Variants in VIPR2 observed in about 807,000 individuals in gnomAD.
VIPR2 encodes the protein vasoactive intestinal peptide receptor 2.
A neutral mutation model predicts 58.0 loss-of-function variants in VIPR2; 48 were observed. The observed-to-expected ratio is 0.83, with a 90% CI of 0.66 to 1.05. The LOEUF (loss-of-function observed/expected upper bound fraction) is 1.05, where lower values mean the gene tolerates loss of function less well. VIPR2 is among the 50% of genes least tolerant of loss of function. The pLI is 0.00. For missense variants in VIPR2, 534 were observed against 558.0 expected (o/e 0.96, Z 0.43); for synonymous variants, 243 against 235.2 (o/e 1.03, Z -0.30).
At chr7:159,101,228 A>C (rs57274767) in intron 4 of VIPR2, among the ~76,000 whole-genome samples, 1 of 139,234 alleles carries the variant, frequency 7.2e-6, no homozygotes, top group Admixed American at 7.2e-5. Context: ...CGTTCCCCCG[A>C]CTGTTCCTGT....
chr7:159,074,754 G>A (rs1396707257), intron 4 of VIPR2, among the ~76,000 whole-genome samples: 1 of 152,220 alleles, frequency 6.6e-6, no homozygotes, highest in East Asian at 1.9e-4. Context: ...TTGGGAGGCT[G>A]AGGTGGGAGG....
chr7:159,081,224 A>C (rs1451317242), intron 4 of VIPR2, among the ~76,000 whole-genome samples: 1 of 152,212 alleles, frequency 6.6e-6, no homozygotes, highest in African/African-American at 2.4e-5. Context: ...ACTATATTAC[A>C]AGGCTACAGT....
chr7:159,087,968 G>A (rs1388840636), intron 4 of VIPR2, among the ~76,000 whole-genome samples: 4 of 152,236 alleles, frequency 2.6e-5, no homozygotes, highest in Non-Finnish European at 5.9e-5. Flanking sequence ...CCAAGTGGGG[G>A]CACTCCCTAT....
At chr7:159,034,105 G>T in intron 10 of VIPR2, 108 bp downstream of exon 10, 1 of 1,028,654 alleles carries the variant, frequency 9.7e-7, no homozygotes, top group Non-Finnish European at 1.5e-6. Flanking sequence ...GTGTGACAGT[G>T]GCGGAGGCGG....
rs747278809 is a variant in VIPR2 at position 159,036,010 on chromosome 7, G to A, written c.751C>T (p.Leu251Phe). The change falls in exon 8 of 13, where the codon CTC (leucine) becomes TTC (phenylalanine). Residue 251 changes from leucine to phenylalanine, a missense_variant and splice_region_variant. By Grantham distance (22) the Leu-to-Phe change is conservative. Coordinates refer to ENST00000262178, the MANE Select transcript of VIPR2 (RefSeq NM_003382.5). ...CATGCACCGATGCAGACGGTGGGGA[G>A]GCCTGCAGAGAGACGCCTGGTTACA... ...FLAYLLIGWG[L>F]PTVCIGAWTA... is the part of the protein sequence containing the mutation. 3.1e-6 allele frequency: 5 copies of A among 1,613,086 alleles called. No individual in the cohort carries two copies. The South Asian group carries it at 3.3e-5, about 11-fold the overall frequency.
chr7:159,058,370 C>CTT (rs1855442985), intron 5 of VIPR2, 111 bp downstream of exon 5: 8 of 804,598 alleles, frequency 9.9e-6, no homozygotes, highest in Non-Finnish European at 1.7e-5. Context: ...CCATGGGAGT[C>CTT]TTATTGGCTT....
At chr7:159,049,365 G>A (rs889290712) in intron 5 of VIPR2, among the ~76,000 whole-genome samples, 15 of 152,202 alleles carry the variant, frequency 9.9e-5, no homozygotes, top group African/African-American at 2.7e-4. Flanking sequence ...GGGAGCAGCC[G>A]CAGCTGTGGG....
At chr7:159,081,769 C>G (rs1368634467) in intron 4 of VIPR2, among the ~76,000 whole-genome samples, 1 of 151,934 alleles carries the variant, frequency 6.6e-6, no homozygotes, top group Non-Finnish European at 1.5e-5. Context: ...AACAAATTTA[C>G]AAGAAAAAAA....
intron 5 of VIPR2, among the ~76,000 whole-genome samples, chr7:159,058,145 G>A (rs1855428554): frequency 6.6e-6 from 1 of 152,162 alleles, no homozygotes; most frequent in African/African-American, 2.4e-5. Flanking sequence ...CTCTCTAATA[G>A]AGCACCTACA....
intron 3 of VIPR2, among the ~76,000 whole-genome samples, chr7:159,106,538 AGG>A (rs1858668531): frequency 1.1e-5 from 1 of 90,272 alleles, no homozygotes; most frequent in Non-Finnish European, 2.2e-5. Flanking sequence ...GAGGCCAAGG[AGG>A]GGCAGAGAGA....
chr7:159,113,362 CAT>C (rs1796115862), intron 2 of VIPR2, among the ~76,000 whole-genome samples: 1 of 152,222 alleles, frequency 6.6e-6, no homozygotes, highest in African/African-American at 2.4e-5. Context: ...CTCAATCAAT[CAT>C]GACCCTTTCA....
At chr7:159,092,703 T>C (rs192342148) in intron 4 of VIPR2, among the ~76,000 whole-genome samples, 2 of 148,592 alleles carry the variant, frequency 1.3e-5, no homozygotes, top group Non-Finnish European at 3.0e-5. Flanking sequence ...CAGGCTGGAG[T>C]GCAGTGGTGC....
chr7:159,133,691 T>C (rs1797082902), intron 2 of VIPR2, among the ~76,000 whole-genome samples: 1 of 152,204 alleles, frequency 6.6e-6, no homozygotes, highest in South Asian at 2.1e-4. Flanking sequence ...GTTATTTATA[T>C]CTCATATTAC....
chr7:159,058,629 G>A, intron 4 of VIPR2, 51 bp from the exon 5 acceptor site: 1 of 1,339,366 alleles, frequency 7.5e-7, no homozygotes, highest in South Asian at 1.2e-5. Context: ...AGCAACACCA[G>A]ACAACAGGAA....
chr7:159,031,529 A>T lies in VIPR2; in HGVS notation c.1143+299T>A. ...CAGGAGCGAGACGCCGACCATGGGG[A>T]AAAACAGATTCTGTCTAGACCCGGC... On this transcript the variant is annotated intron_variant, in intron 12 of 12. Transcript: ENST00000262178. This position sits in a 1 kb window ranked among gnomAD's most constrained non-coding sequence, Gnocchi z 4.0. 1.0e-6 allele frequency: 1 copy of T among 984,178 alleles called. No homozygotes were observed. Among genetic ancestry groups the T allele is most frequent in the South Asian group, 4.7e-5 (1 of 21,256 alleles). 61.0% of individuals were successfully genotyped at this position (984,178 alleles called of 1,614,324 possible). A position where few individuals can be genotyped will look rare whatever the true frequency, so the allele number is the denominator to read the frequency against.
chr7:159,055,495 G>C (rs529273172), intron 5 of VIPR2, among the ~76,000 whole-genome samples: 1 of 152,110 alleles, frequency 6.6e-6, no homozygotes, highest in South Asian at 2.1e-4. Flanking sequence ...GAATTTTCTC[G>C]GTGTCTTGGG....
Position 159,132,012 on chromosome 7 carries a change from G to A in VIPR2, c.151+10434C>T, listed in dbSNP as rs201859677. 7.9e-5 allele frequency among the ~76,000 whole-genome samples: 12 copies of A among 152,186 alleles called. No individual in the cohort carries two copies. The East Asian group carries it at 1.2e-3, about 15-fold the overall frequency. On this transcript the variant is annotated intron_variant, in intron 2 of 12. Transcript: ENST00000262178. The stretch of plus-strand genomic sequence containing the variant: ...CAGAACAAATAAGGCAGCTGTGCAA[G>A]TGTAACCAAGCCAACATTCTTTGCT...
At position 159,103,871 on chromosome 7, in the gene VIPR2, A is replaced by G; in HGVS notation, c.260-17T>C. The G allele has an allele frequency of 6.2e-7, 1 of 1,607,716 alleles. No homozygotes were observed. The highest frequency in any genetic ancestry group is 8.5e-7 in the Non-Finnish European group (1 of 1,174,250). On this transcript the variant is annotated splice_polypyrimidine_tract_variant and intron_variant, in intron 3 of 12. Transcript: ENST00000262178. ...TTATGTTTCCTGGAAAGTGAAGTTCAGATATTTTATCTGCAAGTCCATGAA... is the reference window on the plus strand; with the variant it reads ...TTATGTTTCCTGGAAAGTGAAGTTCGGATATTTTATCTGCAAGTCCATGAA...
chr7:159,038,642 C>T (rs1854123906), intron 6 of VIPR2, among the ~76,000 whole-genome samples: 1 of 152,022 alleles, frequency 6.6e-6, no homozygotes, highest in African/African-American at 2.4e-5. Context: ...ATGCAACGTG[C>T]CTTCTTTTGT....
Sources: gnomAD v4.1 joint callset for allele counts (sites outside exome capture counted in the v4.1 genomes callset) on GRCh38, gnomAD v4.1.1 for gene constraint, Gnocchi (gnomAD v3.1) non-coding constraint, MANE v1.5 for transcripts, NCBI Gene and HGNC (gene_info 2026-07-23, HGNC 2026-07-21) for gene names.